The following CSGALNACT1 variants were observed in gnomAD, a reference collection of about 807,000 sequenced individuals.
CSGALNACT1 encodes chondroitin sulfate N-acetylgalactosaminyltransferase 1.
A neutral mutation model predicts 51.0 loss-of-function variants in CSGALNACT1; 52 were observed. The ratio of observed to expected loss-of-function variants is 1.02; its 90% CI spans 0.82 to 1.29. CSGALNACT1 has a LOEUF of 1.29. Ranked by LOEUF, CSGALNACT1 falls within the 50% of genes most tolerant of loss-of-function variation. CSGALNACT1 has a pLI of 0.00. For synonymous variants in CSGALNACT1, 341 were observed against 254.4 expected, an observed-to-expected ratio of 1.34 and a Z score of -3.24; for missense variants, 935 against 679.2, an observed-to-expected ratio of 1.38 and a Z score of -4.19.
At chr8:19,467,237 A>T (rs762920525) in intron 4 of CSGALNACT1, among the ~76,000 whole-genome samples, 1 of 149,178 alleles carries the variant, frequency 6.7e-6, no homozygotes, top group Non-Finnish European at 1.5e-5. Flanking sequence ...CTCCTGCCTC[A>T]GCCTCCTGAG....
At chr8:19,479,311 A>C (rs1444807523) in intron 4 of CSGALNACT1, among the ~76,000 whole-genome samples, 3 of 152,178 alleles carry the variant, frequency 2.0e-5, no homozygotes, top group African/African-American at 7.2e-5. Context: ...TTGTCTTTGG[A>C]TGAGAGTCTG....
At chr8:19,476,021 T>C (rs1245671618) in intron 4 of CSGALNACT1, among the ~76,000 whole-genome samples, 1 of 152,204 alleles carries the variant, frequency 6.6e-6, no homozygotes, top group Non-Finnish European at 1.5e-5. Context: ...ATTGTAATCT[T>C]AGGATTTTGA....
intron 1 of CSGALNACT1, among the ~76,000 whole-genome samples, chr8:19,678,310 T>C (rs1170463750): frequency 6.6e-6 from 1 of 152,196 alleles, no homozygotes; most frequent in African/African-American, 2.4e-5. Context: ...CATGTAATAC[T>C]GAAACCTAAC....
intron 3 of CSGALNACT1, among the ~76,000 whole-genome samples, chr8:19,528,801 T>C (rs1055270518): frequency 2.0e-5 from 3 of 152,070 alleles, no homozygotes; most frequent in Non-Finnish European, 2.9e-5. Context: ...TAACAGTCTT[T>C]GGCTGGAGGG....
intron 4 of CSGALNACT1, among the ~76,000 whole-genome samples, chr8:19,491,766 G>T (rs2074406875): frequency 6.6e-6 from 1 of 152,172 alleles, no homozygotes; most frequent in Admixed American, 6.5e-5. Flanking sequence ...AGCATTTCAT[G>T]TGTGTTTCGA....
At chr8:19,467,023 A>G (rs917838288) in intron 4 of CSGALNACT1, among the ~76,000 whole-genome samples, 2 of 151,968 alleles carry the variant, frequency 1.3e-5, no homozygotes, top group African/African-American at 2.4e-5. Flanking sequence ...AGGCTGACAA[A>G]TCCAGTATCT....
At chr8:19,747,194 A>T (rs2064728387) in intron 1 of CSGALNACT1, among the ~76,000 whole-genome samples, 1 of 152,204 alleles carries the variant, frequency 6.6e-6, no homozygotes, top group East Asian at 1.9e-4. Context: ...CAGTCCTGGT[A>T]CTTAGCCAGC....
intron 1 of CSGALNACT1, among the ~76,000 whole-genome samples, chr8:19,670,644 T>A (rs2059717248): frequency 3.3e-5 from 1 of 30,200 alleles, no homozygotes; most frequent in African/African-American, 2.0e-4. Flanking sequence ...TATGCACTAC[T>A]GAAGACAAAA....
At chr8:19,543,059 C>T (rs1445332476) in intron 3 of CSGALNACT1, among the ~76,000 whole-genome samples, 2 of 152,150 alleles carry the variant, frequency 1.3e-5, no homozygotes, top group Non-Finnish European at 2.9e-5. Flanking sequence ...CAGTCAGTTA[C>T]ATATGCAAAA....
chr8:19,543,609 A>G (rs4507779), intron 3 of CSGALNACT1, among the ~76,000 whole-genome samples: 49,300 of 152,058 alleles, frequency 0.32, 9,141 homozygotes, highest in African/African-American at 0.52. Context: ...GGGGTTCCAC[A>G]GGCAGAAACT....
At chr8:19,719,937 C>A (rs536449710) in intron 1 of CSGALNACT1, among the ~76,000 whole-genome samples, 1 of 152,354 alleles carries the variant, frequency 6.6e-6, no homozygotes, top group South Asian at 2.1e-4. Flanking sequence ...TAGTTAGGGT[C>A]TTCCAAGAAA....
intron 2 of CSGALNACT1, among the ~76,000 whole-genome samples, chr8:19,593,761 C>A (rs964181640): frequency 1.3e-5 from 2 of 152,222 alleles, no homozygotes; most frequent in Non-Finnish European, 2.9e-5. Flanking sequence ...AAAATTCCTA[C>A]ACATGCTCCA....
At chr8:19,454,818 T>C (rs1191715778) in intron 5 of CSGALNACT1, among the ~76,000 whole-genome samples, 2 of 152,260 alleles carry the variant, frequency 1.3e-5, no homozygotes, top group Non-Finnish European at 2.9e-5. Context: ...CAACCACTTT[T>C]TGTTTTGCAA....
chr8:19,720,663 C>G (rs1285094573), intron 1 of CSGALNACT1, among the ~76,000 whole-genome samples: 1 of 152,128 alleles, frequency 6.6e-6, no homozygotes, highest in Non-Finnish European at 1.5e-5. Context: ...TGCTGATTCT[C>G]TCTCTCCACC....
At chr8:19,421,819 G>A (rs1326750855) in intron 6 of CSGALNACT1, among the ~76,000 whole-genome samples, 1 of 152,014 alleles carries the variant, frequency 6.6e-6, no homozygotes, top group Non-Finnish European at 1.5e-5. Context: ...CTTATCTTAG[G>A]GATCAGTGAG....
intron 1 of CSGALNACT1, among the ~76,000 whole-genome samples, chr8:19,654,342 A>C (rs774732910): frequency 4.6e-5 from 7 of 152,196 alleles, no homozygotes; most frequent in Non-Finnish European, 1.0e-4. Flanking sequence ...CTCAATGTTT[A>C]ACCTTTAATA....
intron 3 of CSGALNACT1, among the ~76,000 whole-genome samples, chr8:19,579,358 T>C (rs2045044664): frequency 6.6e-6 from 1 of 152,246 alleles, no homozygotes; most frequent in South Asian, 2.1e-4. Context: ...GCAGCACATG[T>C]GCTGTTTCTT....
intron 1 of CSGALNACT1, among the ~76,000 whole-genome samples, chr8:19,729,963 C>T (rs1030169081): frequency 1.3e-5 from 2 of 152,154 alleles, no homozygotes; most frequent in African/African-American, 2.4e-5. Flanking sequence ...AATCAGCTCA[C>T]CAGCAGAAGT....
intron 1 of CSGALNACT1, among the ~76,000 whole-genome samples, chr8:19,633,785 C>T (rs1564308587): frequency 6.6e-6 from 1 of 152,156 alleles, no homozygotes; most frequent in Non-Finnish European, 1.5e-5. Context: ...TATAGCAACC[C>T]TGAGAAACTG....
Sources: allele counts gnomAD v4.1 joint callset (sites outside exome capture counted in the v4.1 genomes callset), GRCh38; gene constraint gnomAD v4.1.1; transcripts MANE v1.5; gene names NCBI Gene and HGNC (gene_info 2026-07-23, HGNC 2026-07-21).